P2RY6: variants seen among roughly 807,000 people sequenced by gnomAD.
P2RY6 encodes the protein P2Y purinoceptor 6.
In P2RY6, 19 loss-of-function variants were observed where a neutral mutation model predicts 16.3. The ratio of observed to expected loss-of-function variants is 1.16; its 90% CI spans 0.81 to 1.71. The LOEUF (loss-of-function observed/expected upper bound fraction) is 1.71, where lower values mean the gene tolerates loss of function less well. Among genes scored for constraint, P2RY6 ranks in the 40% most tolerant of loss-of-function variants. The probability of loss-of-function intolerance (pLI) is 0.00; values close to 1 mark genes in which losing one functional copy is unlikely to be tolerated. For synonymous variants in P2RY6, 184 were observed against 201.5 expected, an observed-to-expected ratio of 0.91 and a Z score of 0.74; for missense variants, 389 against 455.5, an observed-to-expected ratio of 0.85 and a Z score of 1.33.
At chr11:73,283,941 G>T (rs566883607) in intron 1 of P2RY6, among the ~76,000 whole-genome samples, 1 of 152,308 alleles carries the variant, frequency 6.6e-6, no homozygotes, top group East Asian at 1.9e-4. Context: ...AGGGCAGGAG[G>T]TGGTACCTGG....
intron 1 of P2RY6, among the ~76,000 whole-genome samples, chr11:73,277,986 G>A (rs962377093): frequency 2.6e-5 from 4 of 152,054 alleles, no homozygotes; most frequent in African/African-American, 9.7e-5. Context: ...TTGTTTGTTT[G>A]TTTGTTTGTT....
intron 1 of P2RY6, among the ~76,000 whole-genome samples, chr11:73,289,226 A>C (rs185419360): frequency 6.6e-6 from 1 of 152,190 alleles, no homozygotes; most frequent in Non-Finnish European, 1.5e-5. Flanking sequence ...AACTGACCCC[A>C]TGGTTGTCGC....
At chr11:73,283,444 G>A (rs1863843268) in intron 1 of P2RY6, among the ~76,000 whole-genome samples, 1 of 152,150 alleles carries the variant, frequency 6.6e-6, no homozygotes, top group Non-Finnish European at 1.5e-5. Context: ...GCAGAGTCCA[G>A]GCCCTTTCCT....
upstream of P2RY6, chr11:73,271,678 G>A (rs1863316656): frequency 6.6e-6 from 1 of 152,192 alleles, no homozygotes; most frequent in Admixed American, 6.5e-5. Flanking sequence ...TTCGGGTCTG[G>A]TTCCTTGGTT....
chr11:73,269,466 TATG>T (rs1863214440), upstream of P2RY6, among the ~76,000 whole-genome samples: 1 of 152,168 alleles, frequency 6.6e-6, no homozygotes, highest in African/African-American at 2.4e-5. Context: ...GTTTGAAGAT[TATG>T]ATAAGGATTT....
At chr11:73,274,067 G>A (rs1863429677) in intron 1 of P2RY6, among the ~76,000 whole-genome samples, 1 of 152,148 alleles carries the variant, frequency 6.6e-6, no homozygotes, top group African/African-American at 2.4e-5. Context: ...CAAACTGCTG[G>A]CCTCAAGTGC....
chr11:73,273,707 C>T (rs1863414949), intron 1 of P2RY6, among the ~76,000 whole-genome samples: 1 of 152,200 alleles, frequency 6.6e-6, no homozygotes, highest in South Asian at 2.1e-4. Flanking sequence ...CTGCCGGGAG[C>T]TCCCAGCATG....
chr11:73,278,375 G>A (rs151086202), intron 1 of P2RY6, among the ~76,000 whole-genome samples: 5,192 of 152,170 alleles, frequency 0.034, 119 homozygotes, highest in Middle Eastern at 0.092. Flanking sequence ...GGTCAGGCTG[G>A]TCTCAAACTC....
At position 73,296,913 on chromosome 11, in the gene P2RY6, TGGCCCCCTGGCACAAACGTGGGGGCCGCC is replaced by T. The variant is rs753185385; in HGVS notation, c.398_426del (p.Ala133GlyfsTer31). The T allele has an allele frequency of 1.2e-6, 2 of 1,608,962 alleles. No homozygotes were observed. Among genetic ancestry groups the T allele is most frequent in the African/African-American group, 2.7e-5 (2 of 74,928 alleles). ...CGCTACCTGGGCATCTGCCACCCGC[TGGCCCCCTGGCACAAACGTGGGGGCCGCC>T]GGGCTGCCTGGCTAGTGTGTGTAGC... is the stretch of plus-strand genomic sequence containing the variant. On this transcript the variant is annotated frameshift_variant, in exon 3 of 3. Transcript: ENST00000540124. LOFTEE classifies it high-confidence loss of function.
At chr11:73,275,729 A>G (rs1473037419) in intron 1 of P2RY6, among the ~76,000 whole-genome samples, 1 of 152,242 alleles carries the variant, frequency 6.6e-6, no homozygotes, top group Non-Finnish European at 1.5e-5. Flanking sequence ...AAGTTGCTGG[A>G]GTAAAGCAGG....
In P2RY6 at chr11:73,296,863, C is replaced by T. The variant is rs946457275; in HGVS notation, c.345C>T (p.Leu115=). Residue 115 remains leucine, a synonymous_variant, in exon 3 of 3, where the codon CTC becomes CTT. Coordinates refer to ENST00000540124, the MANE Select transcript of P2RY6 (RefSeq NM_001277204.2). ...ATGCCAACCTGCACGGCAGCATCCT[C>T]TTCCTCACCTGCATCAGCTTCCAGC... ...LFYANLHGSI[L]FLTCISFQRY... 2.0e-5 allele frequency: 33 copies of T among 1,610,830 alleles called. No individual in the cohort carries two copies. Among genetic ancestry groups the T allele is most frequent in the Non-Finnish European group, 2.6e-5 (31 of 1,180,030 alleles).
intron 1 of P2RY6, among the ~76,000 whole-genome samples, chr11:73,289,796 G>T (rs1469768565): frequency 1.3e-5 from 2 of 152,226 alleles, no homozygotes; most frequent in African/African-American, 4.8e-5. Flanking sequence ...CCACCTGGCT[G>T]GGATAGCTTG....
chr11:73,270,833 A>G (rs907747683), upstream of P2RY6, among the ~76,000 whole-genome samples: 1 of 152,062 alleles, frequency 6.6e-6, no homozygotes, highest in Non-Finnish European at 1.5e-5. Flanking sequence ...GGTCTCCTCC[A>G]GGCTAGGTGG....
chr11:73,288,319 C>A (rs1864050443), intron 1 of P2RY6, among the ~76,000 whole-genome samples: 1 of 152,184 alleles, frequency 6.6e-6, no homozygotes, highest in Admixed American at 6.5e-5. Flanking sequence ...GGAGAGAAAC[C>A]AAAGGAAGCA....
intron 1 of P2RY6, among the ~76,000 whole-genome samples, chr11:73,274,484 G>C (rs932098828): frequency 6.7e-6 from 1 of 150,312 alleles, no homozygotes; most frequent in African/African-American, 2.5e-5. Context: ...AGAGGTTGCA[G>C]TGAGCTGAGA....
intron 1 of P2RY6, among the ~76,000 whole-genome samples, chr11:73,291,614 T>C (rs1002378015): frequency 6.6e-6 from 1 of 152,212 alleles, no homozygotes; most frequent in Non-Finnish European, 1.5e-5. Flanking sequence ...TGATCCAAAC[T>C]TTGGGTTCCC....
At chr11:73,265,000 G>T (rs1446826463) in intron 1 of P2RY6, among the ~76,000 whole-genome samples, 1 of 152,274 alleles carries the variant, frequency 6.6e-6, no homozygotes, top group Non-Finnish European at 1.5e-5. Context: ...CTGAGTGACT[G>T]TGCTGGGGTA....
chr11:73,286,047 T>C (rs1176030331), intron 1 of P2RY6, among the ~76,000 whole-genome samples: 2 of 152,162 alleles, frequency 1.3e-5, no homozygotes, highest in Admixed American at 6.5e-5. Flanking sequence ...GTGAGCTCCC[T>C]GCAATGGGAA....
At chr11:73,291,116 C>G (rs1864226721) in intron 1 of P2RY6, among the ~76,000 whole-genome samples, 1 of 152,194 alleles carries the variant, frequency 6.6e-6, no homozygotes, top group Non-Finnish European at 1.5e-5. Flanking sequence ...AAGTGGGACC[C>G]CATGAGCCTT....
Sources: allele counts gnomAD v4.1 joint callset (sites outside exome capture counted in the v4.1 genomes callset), GRCh38; gene constraint gnomAD v4.1.1; transcripts MANE v1.5; gene names NCBI Gene and HGNC (gene_info 2026-07-23, HGNC 2026-07-21).